The following ALKAL2 variants were observed in gnomAD, a reference collection of about 807,000 sequenced individuals.
ALKAL2 encodes the protein ALK and LTK ligand 2, also known as AUG-alpha.
A neutral mutation model predicts 18.5 loss-of-function variants in ALKAL2; 8 were observed. The ratio of observed to expected loss-of-function variants is 0.43; its 90% CI spans 0.25 to 0.78. The LOEUF is 0.78. ALKAL2 is among the 30% of genes least tolerant of loss of function. The pLI is 0.22. For missense variants in ALKAL2, 241 were observed against 211.2 expected (o/e 1.14, Z -0.88); for synonymous variants, 135 against 95.8 (o/e 1.41, Z -2.39).
chr2:281,106 G>A (rs1368333265), intron 5 of ALKAL2, among the ~76,000 whole-genome samples: 1 of 152,006 alleles, frequency 6.6e-6, no homozygotes, highest in Admixed American at 6.6e-5. Context: ...AGCCCGGACT[G>A]TATCTACACT....
In ALKAL2 at chr2:287,632, C is replaced by G; in HGVS notation, c.204G>C (p.Leu68=). ...CCAGCCCCGCCGCCTCCGCGCGGCCCAGGGCGCAGTCCCGCCCGAGGAGCT... is the reference window on the plus strand; with the variant it reads ...CCAGCCCCGCCGCCTCCGCGCGGCCGAGGGCGCAGTCCCGCCCGAGGAGCT... ...GLQLLGRDCA[L]GRAEAAGLGP... Residue 68 remains leucine, a synonymous_variant, in exon 2 of 6, where the codon CTG becomes CTC. Transcript: ENST00000403610. 1.1e-5 allele frequency: 17 copies of G among 1,481,848 alleles called. No individual in the cohort carries two copies. Among genetic ancestry groups the G allele is most frequent in the Non-Finnish European group, 1.5e-5 (17 of 1,122,288 alleles). The allele number at this position is 1,481,848 out of a possible 1,614,324, so 91.8% of individuals were successfully genotyped here. A position where few individuals can be genotyped will look rare whatever the true frequency, so the allele number is the denominator to read the frequency against.
chr2:286,291 T>C lies in ALKAL2; in HGVS notation c.306A>G (p.Thr102=). The C allele has an allele frequency of 1.9e-6, 3 of 1,612,186 alleles. No individual in the cohort carries two copies. The highest frequency in any genetic ancestry group is 2.5e-6 in the Non-Finnish European group (3 of 1,179,072). Residue 102 remains threonine, a splice_region_variant and synonymous_variant, in exon 3 of 6, where the codon ACA becomes ACG. Transcript: ENST00000403610. ...RMKDKFLKHL[T]GPLYFSPKCS... ...GTGAGGAACGAGGAGAAAACTTACC[T>C]GTAAGGTGTTTTAGAAACTTGTCCT...
intron 5 of ALKAL2, among the ~76,000 whole-genome samples, 166 bp downstream of exon 5, chr2:282,945 G>A (rs2103081866): frequency 6.6e-6 from 1 of 152,332 alleles, no homozygotes; most frequent in South Asian, 2.1e-4. Flanking sequence ...AGACAAGCCA[G>A]TAGGGTGGCT....
intron 5 of ALKAL2, among the ~76,000 whole-genome samples, chr2:280,759 G>C (rs916797225): frequency 7.9e-5 from 12 of 152,174 alleles, no homozygotes; most frequent in Non-Finnish European, 7.3e-5. Context: ...TGTTAGGGAG[G>C]GTTGGTGGGG....
chr2:287,420 G>A (rs778437683), intron 2 of ALKAL2, 163 bp downstream of exon 2: 5 of 533,702 alleles, frequency 9.4e-6, no homozygotes, highest in Non-Finnish European at 1.4e-5. Flanking sequence ...CCTCATGCGC[G>A]GACCTATTGC....
At chr2:283,067 C>T (rs369228085) in intron 5 of ALKAL2, 44 bp downstream of exon 5, 2 of 1,564,872 alleles carry the variant, frequency 1.3e-6, no homozygotes, top group African/African-American at 2.7e-5. Flanking sequence ...AAGCGGGATT[C>T]CCATCTTTGG....
chr2:283,316 C>A, intron 4 of ALKAL2, 141 bp from the exon 5 acceptor site: 2 of 1,443,116 alleles, frequency 1.4e-6, no homozygotes, highest in Non-Finnish European at 1.8e-6. Context: ...GTCTAATCTG[C>A]AGGCATGCAT....
At chr2:283,056 C>T in intron 5 of ALKAL2, 55 bp downstream of exon 5, 5 of 1,535,178 alleles carry the variant, frequency 3.3e-6, no homozygotes, top group Non-Finnish European at 4.4e-6. Flanking sequence ...TTTCATGTCC[C>T]AAGCGGGATT....
intron 5 of ALKAL2, among the ~76,000 whole-genome samples, chr2:281,703 C>T (rs1670360527): frequency 6.6e-6 from 1 of 151,958 alleles, no homozygotes; most frequent in South Asian, 2.1e-4. Flanking sequence ...GGGGAATTTG[C>T]TCTCCTCACT....
chr2:284,715 G>T (rs1184243055), intron 4 of ALKAL2, among the ~76,000 whole-genome samples: 1 of 152,196 alleles, frequency 6.6e-6, no homozygotes, highest in Non-Finnish European at 1.5e-5. Context: ...TAGCTTTGCT[G>T]ATATCTGACA....
Position 287,637 on chromosome 2 carries a change from C to CGCAGTCCCGCCCGAGGAGCT in ALKAL2, c.179_198dup (p.Ala67SerfsTer32). ...CCCGCCGCCTCCGCGCGGCCCAGGG[C>CGCAGTCCCGCCCGAGGAGCT]GCAGTCCCGCCCGAGGAGCTGCAGG... On this transcript the variant is annotated frameshift_variant, in exon 2 of 6. Coordinates refer to ENST00000403610, the MANE Select transcript of ALKAL2 (RefSeq NM_001002919.3). LOFTEE classifies it high-confidence loss of function. 6.7e-7 allele frequency: 1 copy of CGCAGTCCCGCCCGAGGAGCT among 1,481,678 alleles called. No individual in the cohort carries two copies. The highest frequency in any genetic ancestry group is 8.9e-7 in the Non-Finnish European group (1 of 1,122,210). The allele number at this position is 1,481,678 out of a possible 1,614,324, so 91.8% of individuals were successfully genotyped here.
chr2:281,143 G>C (rs1336807382), intron 5 of ALKAL2, among the ~76,000 whole-genome samples: 1 of 152,248 alleles, frequency 6.6e-6, no homozygotes, highest in South Asian at 2.1e-4. Context: ...GTAAGAGTTT[G>C]CTGTTGCTGT....
chr2:286,290 C>A lies in ALKAL2; in HGVS notation c.307G>T (p.Gly103Cys). The stretch of plus-strand genomic sequence containing the variant: ...CGTGAGGAACGAGGAGAAAACTTAC[C>A]TGTAAGGTGTTTTAGAAACTTGTCC... ...MKDKFLKHLT[G>C]PLYFSPKCSK... The change falls in exon 3 of 6, where the codon GGC becomes TGC. Residue 103 changes from glycine (G) to cysteine (C), a missense_variant and splice_region_variant. By Grantham distance (159) the Gly-to-Cys change is radical (BLOSUM62 -3). Coordinates refer to ENST00000403610, the MANE Select transcript of ALKAL2 (RefSeq NM_001002919.3). The A allele has an allele frequency of 6.2e-7, 1 of 1,612,306 alleles. No individual in the cohort carries two copies. The highest frequency in any genetic ancestry group is 8.5e-7 in the Non-Finnish European group (1 of 1,179,108).
chr2:281,873 A>G (rs1403798300), intron 5 of ALKAL2, among the ~76,000 whole-genome samples: 1 of 152,184 alleles, frequency 6.6e-6, no homozygotes, highest in African/African-American at 2.4e-5. Flanking sequence ...ATTTAAACAG[A>G]AGAAAGTCTG....
rs1670576602 is a variant in ALKAL2, at chr2:287,764, C to CAA, written c.71_72insTT (p.Gly25TrpfsTer68). ...CCGCCGGCTCCCGGGGCTCCGCGCC[C>CAA]CCCCGGCCGCGCCCCGCCGCCCCCA... On this transcript the variant is annotated frameshift_variant, in exon 2 of 6. Coordinates refer to ENST00000403610, the MANE Select transcript of ALKAL2 (RefSeq NM_001002919.3). LOFTEE classifies it high-confidence loss of function. 1 of 1,429,154 alleles carries CAA rather than the reference C, an allele frequency of 7.0e-7. No individual in the cohort carries two copies. The highest frequency in any genetic ancestry group is 1.5e-5 in the African/African-American group (1 of 67,100). The allele number at this position is 1,429,154 out of a possible 1,614,324, so 88.5% of individuals were successfully genotyped here. A position where few individuals can be genotyped will look rare whatever the true frequency, so the allele number is the denominator to read the frequency against.
intron 5 of ALKAL2, 39 bp downstream of exon 5, chr2:283,072 C>A: frequency 6.3e-7 from 1 of 1,575,372 alleles, no homozygotes; most frequent in South Asian, 1.2e-5. Flanking sequence ...GGATTCCCAT[C>A]TTTGGTATGT....
intron 1 of ALKAL2, 38 bp downstream of exon 1, chr2:287,975 G>GGGGAA (rs1553301924): frequency 8.1e-7 from 1 of 1,233,292 alleles, no homozygotes; most frequent in African/African-American, 1.6e-5. Flanking sequence ...GGGGAGGGGA[G>GGGGAA]GCGGGAGGAG....
chr2:281,047 A>T (rs1038824286), intron 5 of ALKAL2, among the ~76,000 whole-genome samples: 10 of 152,226 alleles, frequency 6.6e-5, no homozygotes, highest in Admixed American at 2.6e-4. Context: ...ACCCTGGGAC[A>T]CCTGCCCTGC....
At chr2:287,966 G>A in intron 1 of ALKAL2, 47 bp downstream of exon 1, 1 of 1,232,398 alleles carries the variant, frequency 8.1e-7, no homozygotes, top group East Asian at 3.4e-5. Flanking sequence ...GGCGGGGGAG[G>A]GGAGGGGAGG....
Sources: allele counts gnomAD v4.1 joint callset (sites outside exome capture counted in the v4.1 genomes callset), GRCh38; gene constraint gnomAD v4.1.1; transcripts MANE v1.5; gene names NCBI Gene and HGNC (gene_info 2026-07-23, HGNC 2026-07-21).